YTHDC2: variants seen among roughly 807,000 people sequenced by gnomAD.
YTHDC2 encodes YTH N6-methyladenosine RNA binding protein C2, also known as 3'-5' RNA helicase YTHDC2.
In YTHDC2, 45 loss-of-function variants were observed where a neutral mutation model predicts 174.9. The ratio of observed to expected loss-of-function variants is 0.26; its 90% CI spans 0.20 to 0.33. The LOEUF (loss-of-function observed/expected upper bound fraction) is 0.33, where lower values mean the gene tolerates loss of function less well. Among genes scored for constraint, YTHDC2 ranks in the 10% least tolerant of loss-of-function variants. YTHDC2 has a pLI of 1.00. For missense variants in YTHDC2, 1,650 were observed against 1,723.7 expected, an observed-to-expected ratio of 0.96 and a Z score of 0.76; for synonymous variants, 657 against 574.5, an observed-to-expected ratio of 1.14 and a Z score of -2.05.
Position 113,535,904 on chromosome 5 carries a change from A to AT in YTHDC2, c.1102+108dup, listed in dbSNP as rs1038318696. ...GAATGTTCTGAAGTAGAGGCCATCT[A>AT]TTACCGTTCCACCTGAGATAGGCTT... is the stretch of plus-strand genomic sequence containing the variant. On this transcript the variant is annotated intron_variant, in intron 7 of 29. Coordinates refer to ENST00000161863, the MANE Select transcript of YTHDC2 (RefSeq NM_022828.5). The AT allele has an allele frequency of 7.1e-5, 65 of 918,708 alleles. 1 individual carries two copies. The African/African-American group carries it at 1.1e-3, about 15-fold the overall frequency. The allele number at this position is 918,708 out of a possible 1,614,324, so 56.9% of individuals were successfully genotyped here.
chr5:113,542,609 T>A, intron 10 of YTHDC2, 106 bp downstream of exon 10: 1 of 1,024,716 alleles, frequency 9.8e-7, no homozygotes, highest in Non-Finnish European at 1.4e-6. Flanking sequence ...ACCAAAAATT[T>A]TATTTTTTAA....
At chr5:113,573,108 A>AT (rs1777835908) in intron 23 of YTHDC2, among the ~76,000 whole-genome samples, 1 of 151,814 alleles carries the variant, frequency 6.6e-6, no homozygotes, top group Admixed American at 6.6e-5. Context: ...CTGGTAATGG[A>AT]TTTTTCCCTT....
Position 113,541,049 on chromosome 5 carries a change from C to G in YTHDC2, c.1292C>G (p.Thr431Ser), listed in dbSNP as rs1305521104. The G allele has an allele frequency of 1.2e-6, 2 of 1,614,012 alleles. No homozygotes were observed. Among genetic ancestry groups the G allele is most frequent in the Non-Finnish European group, 1.7e-6 (2 of 1,180,016 alleles). ...AAGCCTGAATCTCAGAGGCAGAGAA[C>G]TGTTCTAAATGTGACTGATGAGTAT... ...SFKPESQRQRTVLNVTDEYDL... is the reference protein window; with the variant it reads ...SFKPESQRQRSVLNVTDEYDL... Residue 431 changes from threonine to serine, a missense_variant, in exon 9 of 30, where the codon ACT becomes AGT. Physicochemically the swap from Thr to Ser is moderately conservative, Grantham distance 58 (BLOSUM62 1). This residue lies in a region of YTHDC2 where 411 missense variants were observed against 380.6 expected (regional missense o/e 1.08). Coordinates refer to ENST00000161863, the MANE Select transcript of YTHDC2 (RefSeq NM_022828.5).
intron 18 of YTHDC2, 120 bp downstream of exon 18, chr5:113,561,305 T>A: frequency 1.5e-6 from 1 of 650,108 alleles, no homozygotes; most frequent in Non-Finnish European, 2.5e-6. Context: ...ATTCAATATA[T>A]ATTATGGAGG....
At chr5:113,591,538 A>G (rs1779007246) in intron 27 of YTHDC2, among the ~76,000 whole-genome samples, 1 of 152,158 alleles carries the variant, frequency 6.6e-6, no homozygotes, top group South Asian at 2.1e-4. Context: ...ACCTTTTGGT[A>G]AAATATTTAT....
intron 4 of YTHDC2, among the ~76,000 whole-genome samples, chr5:113,527,326 A>G (rs995883222): frequency 1.1e-4 from 17 of 152,232 alleles, no homozygotes; most frequent in African/African-American, 3.9e-4. Flanking sequence ...AATTAATATG[A>G]TAGGTTTGAC....
chr5:113,541,278 G>A (rs966636400), intron 9 of YTHDC2, among the ~76,000 whole-genome samples, 162 bp downstream of exon 9: 2 of 150,830 alleles, frequency 1.3e-5, no homozygotes, highest in Admixed American at 6.6e-5. Flanking sequence ...TGCAAGCTCC[G>A]CGTTCCGGGT....
In YTHDC2 at chr5:113,513,770, C is replaced by A; in HGVS notation, c.-126C>A. ...CGGTGACTGAGGCCTTTCTGGTGAC[C>A]TCAGCCCAACACAGGCCGTCTCCGG... is the stretch of plus-strand genomic sequence containing the variant. On this transcript the variant is annotated 5_prime_UTR_variant, in exon 1 of 30. Transcript: ENST00000161863. 1 of 1,088,978 alleles carries A rather than the reference C, an allele frequency of 9.2e-7. No individual in the cohort carries two copies. Among genetic ancestry groups the A allele is most frequent in the Non-Finnish European group, 1.3e-6 (1 of 795,264 alleles). The allele number at this position is 1,088,978 out of a possible 1,614,324, so 67.5% of individuals were successfully genotyped here.
rs779392352 is a variant in YTHDC2 at position 113,513,891 on chromosome 5, G to A, written c.-5G>A. On this transcript the variant is annotated 5_prime_UTR_variant, in exon 1 of 30. Coordinates refer to ENST00000161863, the MANE Select transcript of YTHDC2 (RefSeq NM_022828.5). Reference sequence around the variant, plus strand: ...CCCGTGCGGAGAGACCATCTCTTCAGGGCAATGTCCAGGCCGAGCAGCGTC... The same window carrying A: ...CCCGTGCGGAGAGACCATCTCTTCAAGGCAATGTCCAGGCCGAGCAGCGTC... The A allele has an allele frequency of 3.7e-6, 6 of 1,601,384 alleles. No individual in the cohort carries two copies. The highest frequency in any genetic ancestry group is 2.2e-5 in the South Asian group (2 of 89,754).
intron 4 of YTHDC2, among the ~76,000 whole-genome samples, chr5:113,529,796 T>C (rs1045222578): frequency 6.6e-6 from 1 of 152,198 alleles, no homozygotes; most frequent in Admixed American, 6.5e-5. Flanking sequence ...TTTTGTTTAC[T>C]TTTTACCTTT....
At chr5:113,544,875 C>T (rs1325607492) in intron 10 of YTHDC2, among the ~76,000 whole-genome samples, 3 of 152,062 alleles carry the variant, frequency 2.0e-5, no homozygotes, top group Admixed American at 2.0e-4. Context: ...CTAAAACCTT[C>T]TACTCTTTAC....
intron 2 of YTHDC2, among the ~76,000 whole-genome samples, chr5:113,516,957 A>G (rs949847831): frequency 5.9e-5 from 9 of 152,206 alleles, no homozygotes; most frequent in African/African-American, 2.2e-4. Flanking sequence ...TGCCCATCTT[A>G]TAGTCCACTA....
intron 27 of YTHDC2, 60 bp from the exon 28 acceptor site, chr5:113,591,936 T>C: frequency 7.9e-7 from 1 of 1,264,132 alleles, no homozygotes; most frequent in Non-Finnish European, 1.0e-6. Context: ...TCAGATAAAT[T>C]AAATTTAGAC....
chr5:113,531,622 T>C (rs966596874), intron 4 of YTHDC2, among the ~76,000 whole-genome samples: 1 of 152,042 alleles, frequency 6.6e-6, no homozygotes, highest in Non-Finnish European at 1.5e-5. Context: ...AAGAGGGTTT[T>C]TGTTTATTTC....
chr5:113,533,161 T>A, intron 5 of YTHDC2, 116 bp downstream of exon 5: 1 of 1,132,000 alleles, frequency 8.8e-7, no homozygotes, highest in Non-Finnish European at 1.3e-6. Flanking sequence ...TTGCTCCAAG[T>A]AAGTCTACAT....
chr5:113,574,512 C>T (rs996166092), intron 23 of YTHDC2, among the ~76,000 whole-genome samples: 8 of 151,548 alleles, frequency 5.3e-5, no homozygotes, highest in African/African-American at 1.7e-4. Context: ...TGGTGGGAAC[C>T]CTTCCTCATC....
chr5:113,550,555 T>G (rs1410813603), intron 12 of YTHDC2, among the ~76,000 whole-genome samples: 1 of 151,656 alleles, frequency 6.6e-6, no homozygotes, highest in Non-Finnish European at 1.5e-5. Context: ...TGTAGGGAAG[T>G]GGAAGTGGTA....
chr5:113,588,693 G>A (rs535433728), intron 26 of YTHDC2, among the ~76,000 whole-genome samples: 2 of 151,870 alleles, frequency 1.3e-5, no homozygotes, highest in East Asian at 3.9e-4. Flanking sequence ...CGCGATCTCG[G>A]CTCACTACAA....
intron 1 of YTHDC2, 182 bp downstream of exon 1, chr5:113,514,264 G>A (rs1190135029): frequency 1.3e-6 from 1 of 758,016 alleles, no homozygotes; most frequent in Non-Finnish European, 2.3e-6. Flanking sequence ...TGGCCCTGCG[G>A]TGGAATGCGA....
Sources: gnomAD v4.1 joint callset for allele counts (sites outside exome capture counted in the v4.1 genomes callset) on GRCh38, gnomAD v4.1.1 for gene constraint, gnomAD v4.1.1 regional missense constraint, MANE v1.5 for transcripts, NCBI Gene and HGNC (gene_info 2026-07-23, HGNC 2026-07-21) for gene names.